The following ARFRP1 variants were observed in gnomAD, a reference collection of about 807,000 sequenced individuals.
ARFRP1 encodes the protein ADP-ribosylation factor-related protein 1.
In ARFRP1, 19 loss-of-function variants were observed where a neutral mutation model predicts 30.3. That is an observed-to-expected ratio of 0.63 (90% CI 0.44 to 0.92). ARFRP1 has a LOEUF of 0.92. ARFRP1 is among the 40% of genes least tolerant of loss of function. The pLI is 0.00. For synonymous variants in ARFRP1, 133 were observed against 114.2 expected (o/e 1.16, Z -1.05); for missense variants, 245 against 267.5 (o/e 0.92, Z 0.59).
At chr20:63,706,896 A>C in intron 2 of ARFRP1, 103 bp downstream of exon 2, 1 of 1,401,490 alleles carries the variant, frequency 7.1e-7, no homozygotes, top group Non-Finnish European at 1.0e-6. Context: ...CTCAGGTGAA[A>C]TTTGGCTTCC....
intron 5 of ARFRP1, 98 bp from the exon 6 acceptor site, chr20:63,701,998 G>GCCACCCCCCCCCCCCCCCC: frequency 1.7e-6 from 1 of 583,916 alleles, no homozygotes; most frequent in Non-Finnish European, 2.6e-6. Context: ...CACTCCCTCT[G>GCCACCCCCCCCCCCCCCCC]CCCCCCCCCC....
chr20:63,706,556 G>A, intron 3 of ARFRP1, 95 bp downstream of exon 3: 3 of 1,506,252 alleles, frequency 2.0e-6, no homozygotes, highest in Non-Finnish European at 2.8e-6. Context: ...GACTTGAGAG[G>A]GGCCCGACAG....
Position 63,702,124 on chromosome 20 carries a change from G to GTTTTTTAATGATAC in ARFRP1, c.346+11_346+12insGTATCATTAAAAAA. The GTTTTTTAATGATAC allele has an allele frequency of 1.2e-6, 2 of 1,609,598 alleles. No individual in the cohort carries two copies. Among genetic ancestry groups the GTTTTTTAATGATAC allele is most frequent in the East Asian group, 2.2e-5 (1 of 44,848 alleles). On this transcript the variant is annotated intron_variant, in intron 5 of 7. Coordinates refer to ENST00000622789, the MANE Select transcript of ARFRP1 (RefSeq NM_001267547.3). Reference sequence around the variant, plus strand: ...CCATCCATCCCTCCCAGAGCAGCCAGGCCGCACTCACCAAACGCCTGCTTG... The same window carrying GTTTTTTAATGATAC: ...CCATCCATCCCTCCCAGAGCAGCCAGTTTTTTAATGATACGCCGCACTCACCAAACGCCTGCTTG...
At position 63,707,105 on chromosome 20, in the gene ARFRP1, C is replaced by A. The variant is rs771869403; in HGVS notation, c.-6-8G>T. ...CAGCGTGTACATCCTGCCCTGGGCA[C>A]CCCAACATAGGTCAGTGTGCAGCCA... On this transcript the variant is annotated splice_region_variant and splice_polypyrimidine_tract_variant and intron_variant, in intron 1 of 7. Coordinates refer to ENST00000622789, the MANE Select transcript of ARFRP1 (RefSeq NM_001267547.3). 1.3e-6 allele frequency: 2 copies of A among 1,595,608 alleles called. No individual in the cohort carries two copies. The highest frequency in any genetic ancestry group is 1.7e-6 in the Non-Finnish European group (2 of 1,171,456).
In ARFRP1 at chr20:63,700,751, C is replaced by A. The variant is rs766524046; in HGVS notation, c.418-49G>T. 5 of 1,594,174 alleles carry A rather than the reference C, an allele frequency of 3.1e-6. No individual in the cohort carries two copies. The South Asian group carries it at 5.6e-5, about 18-fold the overall frequency. ...AGCAGCCCCCACGTCTGGCCCTGTC[C>A]TGCCTGTGGGCCCGGGACTCTCAGA... On this transcript the variant is annotated intron_variant, in intron 6 of 7. Transcript: ENST00000622789.
At chr20:63,704,264 G>A (rs1051336480) in intron 4 of ARFRP1, 2 of 152,340 alleles carry the variant, frequency 1.3e-5, no homozygotes, top group Non-Finnish European at 2.9e-5. Context: ...CAGTGACCTA[G>A]GGGGGTCCCT....
intron 6 of ARFRP1, chr20:63,701,408 T>TG (rs1440602207): frequency 1.1e-5 from 6 of 524,866 alleles, no homozygotes; most frequent in African/African-American, 1.9e-5. Context: ...GGGGCTGCCC[T>TG]GGGGGTGGGG....
chr20:63,700,108 T>C lies in ARFRP1; in HGVS notation c.*335A>G. The C allele has an allele frequency of 2.6e-6, 1 of 377,794 alleles. No homozygotes were observed. Among genetic ancestry groups the C allele is most frequent in the South Asian group, 2.3e-5 (1 of 43,848 alleles). The allele number at this position is 377,794 out of a possible 1,614,324, so 23.4% of individuals were successfully genotyped here. On this transcript the variant is annotated 3_prime_UTR_variant, in exon 8 of 8. Transcript: ENST00000622789. ...CGAGGGTCCCACAGGGCTGTCCTCA[T>C]GCAGCCCAAGCCAGCCTGAGCACTG...
chr20:63,706,949 G>A (rs2145603490), intron 2 of ARFRP1, 50 bp downstream of exon 2: 7 of 1,602,962 alleles, frequency 4.4e-6, no homozygotes, highest in African/African-American at 1.3e-5. Flanking sequence ...AAACCGAAGG[G>A]GGCGCCGCCA....
intron 4 of ARFRP1, chr20:63,706,085 T>TA: frequency 2.4e-6 from 1 of 419,962 alleles, no homozygotes; most frequent in South Asian, 2.1e-5. Context: ...GCCTTGGCAT[T>TA]TAGTGATTCT....
intron 4 of ARFRP1, chr20:63,704,341 T>G (rs1308477786): frequency 6.6e-6 from 1 of 152,196 alleles, no homozygotes; most frequent in Non-Finnish European, 1.5e-5. Context: ...CAGCACATAC[T>G]CAGCAGACAC....
At chr20:63,702,330 G>A (rs936411792) in intron 4 of ARFRP1, 113 bp from the exon 5 acceptor site, 14 of 1,022,440 alleles carry the variant, frequency 1.4e-5, no homozygotes, top group East Asian at 5.1e-5. Flanking sequence ...GGGCAAGAGG[G>A]CAGCCCCCAA....
chr20:63,701,760 C>A (rs2091215307), intron 6 of ARFRP1, 70 bp downstream of exon 6: 1 of 1,437,758 alleles, frequency 7.0e-7, no homozygotes, highest in South Asian at 1.2e-5. Flanking sequence ...TGGGTGCACA[C>A]CTGCTCCCCT....
chr20:63,701,773 C>G (rs1223788843), intron 6 of ARFRP1, 57 bp downstream of exon 6: 3 of 1,488,846 alleles, frequency 2.0e-6, no homozygotes, highest in African/African-American at 2.8e-5. Flanking sequence ...GCTCCCCTTG[C>G]TGTGGGGGAG....
At chr20:63,704,391 G>C (rs1368268023) in intron 4 of ARFRP1, 4 of 152,260 alleles carry the variant, frequency 2.6e-5, no homozygotes, top group African/African-American at 7.2e-5. Flanking sequence ...GGCATGACTT[G>C]CACCTCATGT....
chr20:63,706,293 G>A (rs573225049), intron 4 of ARFRP1, 64 bp downstream of exon 4: 14 of 1,467,328 alleles, frequency 9.5e-6, no homozygotes, highest in African/African-American at 8.4e-5. Flanking sequence ...GGCCCAAAGG[G>A]CACTCTGGAA....
In ARFRP1 at chr20:63,700,487, C is replaced by T. The variant is rs750436290; in HGVS notation, c.562G>A (p.Val188Met). 1.1e-4 allele frequency: 170 copies of T among 1,610,458 alleles called. No individual in the cohort carries two copies. Among genetic ancestry groups the T allele is most frequent in the Middle Eastern group, 6.5e-4 (3 of 4,638 alleles). ...EGIEWMVKCV[V>M]RNVHRPPRQR... ...CGCGGCGGCCGGTGCACATTCCGCA[C>T]GACACACTTCACCATCCACTCGATG... Residue 188 changes from valine to methionine, a missense_variant, in exon 8 of 8, where the codon GTG (valine) becomes ATG (methionine). By Grantham distance (21) the Val-to-Met change is conservative. Coordinates refer to ENST00000622789, the MANE Select transcript of ARFRP1 (RefSeq NM_001267547.3).
At position 63,700,327 on chromosome 20, in the gene ARFRP1, TAGAAGAACCCCAAAGCAAAGCAAAC is replaced by T; in HGVS notation, c.*91_*115del. 7.0e-7 allele frequency: 1 copy of T among 1,427,398 alleles called. No homozygotes were observed. Among genetic ancestry groups the T allele is most frequent in the Non-Finnish European group, 9.5e-7 (1 of 1,052,158 alleles). 88.4% of individuals were successfully genotyped at this position (1,427,398 alleles called of 1,614,324 possible). On this transcript the variant is annotated 3_prime_UTR_variant, in exon 8 of 8. Coordinates refer to ENST00000622789, the MANE Select transcript of ARFRP1 (RefSeq NM_001267547.3). ...TTTGTCTTCGAGAAAACAAAGTAAA[TAGAAGAACCCCAAAGCAAAGCAAAC>T]CCACCCCCCAGATCAGCAGCATGGG...
At position 63,700,102 on chromosome 20, in the gene ARFRP1, T is replaced by A. The variant is rs561453288; in HGVS notation, c.*341A>T. 3.3e-4 allele frequency: 122 copies of A among 373,018 alleles called. No homozygotes were observed. The highest frequency in any genetic ancestry group is 2.4e-3 in the African/African-American group (117 of 47,924). 23.1% of individuals were successfully genotyped at this position (373,018 alleles called of 1,614,324 possible). A position where few individuals can be genotyped will look rare whatever the true frequency, so the allele number is the denominator to read the frequency against. The stretch of plus-strand genomic sequence containing the variant: ...GTCTCCCGAGGGTCCCACAGGGCTG[T>A]CCTCATGCAGCCCAAGCCAGCCTGA... On this transcript the variant is annotated 3_prime_UTR_variant, in exon 8 of 8. Coordinates refer to ENST00000622789, the MANE Select transcript of ARFRP1 (RefSeq NM_001267547.3).
Sources: allele counts gnomAD v4.1 joint callset, GRCh38; gene constraint gnomAD v4.1.1; transcripts MANE v1.5; gene names NCBI Gene and HGNC (gene_info 2026-07-23, HGNC 2026-07-21).